PAPOLG: variants seen among roughly 807,000 people sequenced by gnomAD.
PAPOLG encodes poly(A) polymerase gamma, also known as PAP-gamma.
Under a neutral mutation model 99.0 loss-of-function variants are expected in PAPOLG, and 40 were observed. That is an observed-to-expected ratio of 0.40 (90% CI 0.31 to 0.53). The LOEUF (loss-of-function observed/expected upper bound fraction) is 0.53, where lower values mean the gene tolerates loss of function less well. Ranked by LOEUF, PAPOLG falls within the 20% of genes least tolerant of loss-of-function variation. PAPOLG has a pLI of 0.41. For synonymous variants in PAPOLG, 310 were observed against 299.3 expected, an observed-to-expected ratio of 1.04 and a Z score of -0.37; for missense variants, 675 against 884.1, an observed-to-expected ratio of 0.76 and a Z score of 3.00.
chr2:60,770,621 T>C (rs1670822856), intron 6 of PAPOLG, 110 bp downstream of exon 6: 1 of 666,898 alleles, frequency 1.5e-6, no homozygotes, highest in Non-Finnish European at 2.4e-6. Context: ...TCAAGTAATC[T>C]CTTTTTTTTT....
rs1558721788 is a variant in PAPOLG at position 60,794,165 on chromosome 2, C to T, written c.1963C>T (p.Pro655Ser). ...RSHSPSIDGTPKRLKDVEKFI... is the reference protein window; with the variant it reads ...RSHSPSIDGTSKRLKDVEKFI... The stretch of plus-strand genomic sequence containing the variant: ...CCATTCCCCATCCATAGATGGGACT[C>T]CTAAGAGGTTGAAAGACGTAGAAAA... Residue 655 changes from proline (P) to serine (S), a missense_variant, in exon 19 of 22, where the codon CCT (proline) becomes TCT (serine). Pro to Ser is a moderately conservative substitution (Grantham distance 74). Around this residue, in one of 3 missense-constraint regions of PAPOLG, gnomAD observed 413 missense variants for 460.5 expected, o/e 0.90. Coordinates refer to ENST00000238714, the MANE Select transcript of PAPOLG (RefSeq NM_022894.4). 1.2e-6 allele frequency: 2 copies of T among 1,611,740 alleles called. No individual in the cohort carries two copies. Among genetic ancestry groups the T allele is most frequent in the Admixed American group, 1.7e-5 (1 of 59,984 alleles).
chr2:60,761,655 A>G, intron 2 of PAPOLG, 86 bp from the exon 3 acceptor site: 1 of 1,163,202 alleles, frequency 8.6e-7, no homozygotes, highest in Non-Finnish European at 1.3e-6. Context: ...CAGCATCAAC[A>G]CAAAGGGTAC....
intron 7 of PAPOLG, among the ~76,000 whole-genome samples, chr2:60,773,566 A>T (rs1321701182): frequency 1.3e-5 from 2 of 152,132 alleles, no homozygotes; most frequent in East Asian, 1.9e-4. Flanking sequence ...CAGTCCACTG[A>T]TCTGTCTTGT....
intron 3 of PAPOLG, among the ~76,000 whole-genome samples, chr2:60,767,804 A>G: frequency 6.6e-6 from 1 of 152,226 alleles, no homozygotes; most frequent in East Asian, 1.9e-4. Context: ...GTGAAAGCAC[A>G]TTAGTCTGGT....
At chr2:60,790,124 T>C (rs1174625734) in intron 15 of PAPOLG, among the ~76,000 whole-genome samples, 2 of 152,170 alleles carry the variant, frequency 1.3e-5, no homozygotes, top group South Asian at 2.1e-4. Flanking sequence ...CAGATTCTTA[T>C]GTTTCACCTT....
At chr2:60,788,750 CT>C (rs1017195601) in intron 15 of PAPOLG, among the ~76,000 whole-genome samples, 3 of 152,152 alleles carry the variant, frequency 2.0e-5, no homozygotes, top group Non-Finnish European at 4.4e-5. Context: ...AATCCTAATA[CT>C]TTGGGAGACT....
chr2:60,796,278 C>T (rs1445965010), intron 21 of PAPOLG, among the ~76,000 whole-genome samples: 2 of 130,802 alleles, frequency 1.5e-5, no homozygotes, highest in Non-Finnish European at 3.1e-5. Flanking sequence ...AGTGCAATGG[C>T]GCGATCTTTT....
intron 3 of PAPOLG, among the ~76,000 whole-genome samples, chr2:60,765,618 C>A (rs1425847882): frequency 2.0e-5 from 3 of 152,152 alleles, no homozygotes; most frequent in Admixed American, 2.0e-4. Flanking sequence ...AATCTGTACA[C>A]AATTGGGATA....
rs113426307 is a variant in PAPOLG at position 60,789,745 on chromosome 2, C to G, written c.1397-2016C>G. 5.9e-3 allele frequency among the ~76,000 whole-genome samples: 891 copies of G among 152,288 alleles called. 11 individuals carry two copies. The highest frequency in any genetic ancestry group is 0.014 in the Middle Eastern group (4 of 294). On this transcript the variant is annotated intron_variant, in intron 15 of 21. Transcript: ENST00000238714. ...TACTATTAAAGGTATTGGCTTGGCT[C>G]ATCTGGGTTTTCTGAATTCTTTTGA...
chr2:60,792,483 T>G (rs1365722261), intron 17 of PAPOLG, among the ~76,000 whole-genome samples, 194 bp downstream of exon 17: 1 of 152,238 alleles, frequency 6.6e-6, no homozygotes, highest in Non-Finnish European at 1.5e-5. Context: ...TATGAGCATA[T>G]GGGACTAGAT....
chr2:60,784,267 G>A (rs182503110), intron 13 of PAPOLG, among the ~76,000 whole-genome samples: 11 of 152,264 alleles, frequency 7.2e-5, no homozygotes, highest in African/African-American at 2.6e-4. Flanking sequence ...CACCACACCC[G>A]GCCTGAGTTT....
chr2:60,759,293 A>T (rs899116931), intron 1 of PAPOLG, among the ~76,000 whole-genome samples: 3 of 151,892 alleles, frequency 2.0e-5, no homozygotes, highest in Non-Finnish European at 2.9e-5. Flanking sequence ...GCTTGAACCC[A>T]GGAGGCAGAG....
chr2:60,772,063 C>G (rs1380834026), intron 7 of PAPOLG, among the ~76,000 whole-genome samples: 1 of 149,710 alleles, frequency 6.7e-6, no homozygotes, highest in African/African-American at 2.5e-5. Flanking sequence ...TTTTGCAAGT[C>G]TCTTTAATAT....
At position 60,794,063 on chromosome 2, in the gene PAPOLG, C is replaced by T. The variant is rs746703995; in HGVS notation, c.1861C>T (p.Pro621Ser). ...AAATGTCATTCCTAGAATCACAACA[C>T]CTCACAACCCTGCCCAGGGACAACC... ...GRNVIPRITT[P>S]HNPAQGQPHL... The change falls in exon 19 of 22, where the codon CCT (proline) becomes TCT (serine). Residue 621 changes from proline to serine, a missense_variant. By Grantham distance (74) the Pro-to-Ser change is moderately conservative. Around this residue, in one of 3 missense-constraint regions of PAPOLG, gnomAD observed 413 missense variants for 460.5 expected, o/e 0.90. Coordinates refer to ENST00000238714, the MANE Select transcript of PAPOLG (RefSeq NM_022894.4). 1 of 1,614,144 alleles carries T rather than the reference C, an allele frequency of 6.2e-7. No individual in the cohort carries two copies. The highest frequency in any genetic ancestry group is 8.5e-7 in the Non-Finnish European group (1 of 1,180,000).
intron 8 of PAPOLG, chr2:60,779,436 A>G: frequency 1.2e-5 from 6 of 518,598 alleles, no homozygotes; most frequent in Non-Finnish European, 2.0e-5. Flanking sequence ...TTTACTAATT[A>G]GACTGTGGGC....
intron 6 of PAPOLG, among the ~76,000 whole-genome samples, chr2:60,770,849 T>A (rs1670832197): frequency 6.6e-6 from 1 of 152,124 alleles, no homozygotes; most frequent in South Asian, 2.1e-4. Flanking sequence ...GGTCTCAATC[T>A]CCTGACCTCG....
rs771275176 is a variant in PAPOLG at position 60,797,140 on chromosome 2, C to G, written c.2191C>G (p.Arg731Gly). ...NNIRVIKNSIRLTLNR is the reference protein window; with the variant it reads ...NNIRVIKNSIGLTLNR ...CATCCGTGTCATCAAAAATTCCATT[C>G]GACTGACCCTTAATCGGTAAAAGCA... Residue 731 changes from arginine (R) to glycine (G), a missense_variant, in exon 22 of 22, where the codon CGA (arginine) becomes GGA (glycine). Arg to Gly is a moderately radical substitution (Grantham distance 125). Around this residue, in one of 3 missense-constraint regions of PAPOLG, gnomAD observed 413 missense variants for 460.5 expected, o/e 0.90. Coordinates refer to ENST00000238714, the MANE Select transcript of PAPOLG (RefSeq NM_022894.4). 6.2e-7 allele frequency: 1 copy of G among 1,614,098 alleles called. No homozygotes were observed. Among genetic ancestry groups the G allele is most frequent in the South Asian group, 1.1e-5 (1 of 91,080 alleles).
chr2:60,775,057 T>C lies in PAPOLG; in HGVS notation c.628T>C (p.Leu210=), dbSNP rs751564699. ...LNGCRVTDEI[L]HLVPNKETFR... ...AGGTTGTAGAGTTACTGATGAAATT[T>C]TGCATTTAGTGCCAAATAAAGAAAC... The change falls in exon 8 of 22, where the codon TTG becomes CTG. Residue 210 remains leucine (L), a synonymous_variant. Transcript: ENST00000238714. The C allele has an allele frequency of 3.7e-5, 59 of 1,613,246 alleles. No individual in the cohort carries two copies. The highest frequency in any genetic ancestry group is 5.0e-5 in the Non-Finnish European group (59 of 1,179,804).
Position 60,775,048 on chromosome 2 carries a change from G to A in PAPOLG, c.619G>A (p.Asp207Asn), listed in dbSNP as rs1327458450. Residue 207 changes from aspartate to asparagine, a missense_variant, in exon 8 of 22, where the codon GAT becomes AAT. By Grantham distance (23) the Asp-to-Asn change is conservative. Transcript: ENST00000238714. ...GTCTTTTTCAGGTTGTAGAGTTACTGATGAAATTTTGCATTTAGTGCCAAA... is the reference window on the plus strand; with the variant it reads ...GTCTTTTTCAGGTTGTAGAGTTACTAATGAAATTTTGCATTTAGTGCCAAA... ...IRSLNGCRVT[D>N]EILHLVPNKE... 1 of 1,613,114 alleles carries A rather than the reference G, an allele frequency of 6.2e-7. No homozygotes were observed. The highest frequency in any genetic ancestry group is 2.2e-5 in the East Asian group (1 of 44,802).
Sources: allele counts gnomAD v4.1 joint callset (sites outside exome capture counted in the v4.1 genomes callset), GRCh38; gene constraint gnomAD v4.1.1; regional missense constraint gnomAD v4.1.1; transcripts MANE v1.5; gene names NCBI Gene and HGNC (gene_info 2026-07-23, HGNC 2026-07-21).